Variants in ICA1L observed in about 807,000 individuals in gnomAD.
ICA1L encodes the protein islet cell autoantigen 1 like, also known as islet cell autoantigen 1-like protein.
ICA1L carries 50 observed loss-of-function variants against 61.3 expected under a neutral mutation model. The observed-to-expected ratio is 0.82, with a 90% CI of 0.65 to 1.03. The LOEUF (loss-of-function observed/expected upper bound fraction) is 1.03, where lower values mean the gene tolerates loss of function less well. ICA1L is among the 50% of genes least tolerant of loss of function. The pLI is 0.00. For synonymous variants in ICA1L, 161 were observed against 191.3 expected (o/e 0.84, Z 1.31); for missense variants, 508 against 556.7 (o/e 0.91, Z 0.88).
chr2:202,869,185 C>T (rs1687618871), intron 1 of ICA1L, among the ~76,000 whole-genome samples: 1 of 151,544 alleles, frequency 6.6e-6, no homozygotes, highest in Admixed American at 6.6e-5. Flanking sequence ...GGTGAAACCC[C>T]GACTCTACTA....
chr2:202,855,168 T>C (rs1423261895), intron 1 of ICA1L, among the ~76,000 whole-genome samples: 2 of 152,192 alleles, frequency 1.3e-5, no homozygotes, highest in Non-Finnish European at 2.9e-5. Context: ...AGGAAATTTA[T>C]AGCACTAAAT....
chr2:202,781,876 C>G (rs1692417933), intron 12 of ICA1L, among the ~76,000 whole-genome samples: 1 of 152,146 alleles, frequency 6.6e-6, no homozygotes, highest in Admixed American at 6.5e-5. Context: ...CTCCTACACG[C>G]AGTTTTTGAG....
chr2:202,794,502 A>T (rs1692856518), intron 10 of ICA1L, among the ~76,000 whole-genome samples: 1 of 152,172 alleles, frequency 6.6e-6, no homozygotes, highest in African/African-American at 2.4e-5. Flanking sequence ...AAGTCAGGAA[A>T]CGTTCACTAC....
At position 202,774,302 on chromosome 2, in the gene ICA1L, G is replaced by A. The variant is rs1692147466; in HGVS notation, c.*5231C>T. 63 of 1,513,790 alleles carry A rather than the reference G, an allele frequency of 4.2e-5. No homozygotes were observed. The South Asian group carries it at 6.8e-4, about 16-fold the overall frequency. 93.8% of individuals were successfully genotyped at this position (1,513,790 alleles called of 1,614,324 possible). A position where few individuals can be genotyped will look rare whatever the true frequency, so the allele number is the denominator to read the frequency against. The stretch of plus-strand genomic sequence containing the variant: ...GTGCAGGCACCTACGGGCGACCGCG[G>A]ACGGCGGCGCGCGCGTTCCCCGCAG... On this transcript the variant is annotated 3_prime_UTR_variant, in exon 13 of 13. Coordinates refer to ENST00000358299, the MANE Select transcript of ICA1L (RefSeq NM_001288622.3).
intron 12 of ICA1L, 140 bp from the exon 13 acceptor site, chr2:202,779,788 G>C (rs879063457): frequency 1.6e-5 from 9 of 557,148 alleles, no homozygotes. Context: ...ATCAACTATA[G>C]TCCCTTTAAG....
intron 9 of ICA1L, among the ~76,000 whole-genome samples, chr2:202,802,105 C>T (rs1693099949): frequency 2.6e-5 from 4 of 151,988 alleles, no homozygotes; most frequent in Admixed American, 6.6e-5. Context: ...GAACAAGGGA[C>T]TATAAAAATT....
intron 1 of ICA1L, among the ~76,000 whole-genome samples, chr2:202,861,671 G>A (rs1254174224): frequency 6.6e-6 from 1 of 151,526 alleles, no homozygotes; most frequent in Non-Finnish European, 1.5e-5. Flanking sequence ...CGGATCACTT[G>A]AGGTTAGGAG....
rs1409494262 is a variant in ICA1L at position 202,849,237 on chromosome 2, T to A, written c.-7-20221A>T. ...CGAGCTAGCTGCAGGAGGTTTTTGT[T>A]TTTGTTTTTGTACCCCAGTGGTGCC... On this transcript the variant is annotated intron_variant, in intron 1 of 12. Transcript: ENST00000358299. The surrounding 1 kb of genome is among the most constrained non-coding windows in gnomAD (Gnocchi z 4.5). 6.6e-6 allele frequency among the ~76,000 whole-genome samples: 1 copy of A among 151,986 alleles called. No individual in the cohort carries two copies. The highest frequency in any genetic ancestry group is 1.5e-5 in the Non-Finnish European group (1 of 67,978).
intron 1 of ICA1L, among the ~76,000 whole-genome samples, chr2:202,869,775 A>G (rs1687643192): frequency 6.6e-6 from 1 of 152,200 alleles, no homozygotes; most frequent in African/African-American, 2.4e-5. Context: ...CTAGTGTTAC[A>G]TGCAAGTGAG....
intron 3 of ICA1L, 142 bp downstream of exon 3, chr2:202,825,553 T>G: frequency 2.2e-6 from 3 of 1,348,344 alleles, no homozygotes; most frequent in Non-Finnish European, 1.9e-6. Context: ...CTGGGGCCTT[T>G]GAGAACAGGT....
At chr2:202,846,221 G>T (rs1694459555) in intron 1 of ICA1L, among the ~76,000 whole-genome samples, 1 of 151,532 alleles carries the variant, frequency 6.6e-6, no homozygotes, top group Admixed American at 6.6e-5. Context: ...ATCAAGACCA[G>T]TTATACTTTT....
At chr2:202,808,717 G>C (rs546660464) in intron 9 of ICA1L, among the ~76,000 whole-genome samples, 2 of 152,198 alleles carry the variant, frequency 1.3e-5, no homozygotes, top group Non-Finnish European at 2.9e-5. Context: ...AAAAGAACAA[G>C]AGTCTCTGCC....
chr2:202,792,601 G>A (rs1398835781), intron 10 of ICA1L, among the ~76,000 whole-genome samples: 1 of 151,980 alleles, frequency 6.6e-6, no homozygotes, highest in Non-Finnish European at 1.5e-5. Flanking sequence ...TCAGGAGATC[G>A]AGACCATCCT....
At chr2:202,833,873 A>C (rs1211807166) in intron 1 of ICA1L, among the ~76,000 whole-genome samples, 1 of 152,188 alleles carries the variant, frequency 6.6e-6, no homozygotes, top group Non-Finnish European at 1.5e-5. Flanking sequence ...AAAAAGTTGA[A>C]CTAATAGACG....
chr2:202,784,718 C>CA (rs1161602741), intron 12 of ICA1L, among the ~76,000 whole-genome samples: 2 of 152,156 alleles, frequency 1.3e-5, no homozygotes, highest in South Asian at 4.1e-4. Flanking sequence ...AAGCCAGTCA[C>CA]AAAAAAGCCA....
In ICA1L at chr2:202,855,797, T is replaced by C. The variant is rs186887586; in HGVS notation, c.-8+15822A>G. On this transcript the variant is annotated intron_variant, in intron 1 of 12. Transcript: ENST00000358299. ...AACAATAAAAAAAGAGGGACTCGGC[T>C]GGGCGCGGTGGCTCACCCCTGTAAT... Among the ~76,000 whole-genome samples, 833 of 152,072 alleles carry C rather than the reference T, an allele frequency of 5.5e-3. 7 individuals carry two copies. Among genetic ancestry groups the C allele is most frequent in the Middle Eastern group, 0.014 (4 of 292 alleles).
In ICA1L at chr2:202,817,360, A is replaced by G. The variant is rs1693565281; in HGVS notation, c.684+58T>C. ...TTTACACCCTTTAGACAACTTTTAA[A>G]AAGAAATCTCACCACTCATCTTTAC... On this transcript the variant is annotated intron_variant, in intron 6 of 12. Coordinates refer to ENST00000358299, the MANE Select transcript of ICA1L (RefSeq NM_001288622.3). 3.4e-6 allele frequency: 5 copies of G among 1,460,992 alleles called. No individual in the cohort carries two copies. In the East Asian group the frequency reaches 1.2e-4, roughly 36 times the overall value. The allele number at this position is 1,460,992 out of a possible 1,614,324, so 90.5% of individuals were successfully genotyped here.
chr2:202,830,279 G>C (rs970566728), intron 1 of ICA1L, among the ~76,000 whole-genome samples: 1 of 152,050 alleles, frequency 6.6e-6, no homozygotes, highest in South Asian at 2.1e-4. Flanking sequence ...ATGGTGGCAC[G>C]TACCTGTAAT....
At chr2:202,811,419 C>T (rs1693374447) in intron 9 of ICA1L, among the ~76,000 whole-genome samples, 1 of 151,958 alleles carries the variant, frequency 6.6e-6, no homozygotes, top group Non-Finnish European at 1.5e-5. Context: ...GTTTGAGAGG[C>T]CGAGGTGGGC....
Sources: allele counts gnomAD v4.1 joint callset (sites outside exome capture counted in the v4.1 genomes callset), GRCh38; gene constraint gnomAD v4.1.1; non-coding constraint Gnocchi (gnomAD v3.1); transcripts MANE v1.5; gene names NCBI Gene and HGNC (gene_info 2026-07-23, HGNC 2026-07-21).